Variants in CACNG4 observed in about 807,000 individuals in gnomAD.
CACNG4 encodes the protein voltage-dependent calcium channel gamma-4 subunit.
A neutral mutation model predicts 22.9 loss-of-function variants in CACNG4; 8 were observed. The observed-to-expected ratio is 0.35, with a 90% CI of 0.21 to 0.63. The LOEUF is 0.63. CACNG4 is among the 30% of genes least tolerant of loss of function. CACNG4 has a pLI of 0.72. For synonymous variants in CACNG4, 188 were observed against 191.9 expected (o/e 0.98, Z 0.17); for missense variants, 357 against 455.4 (o/e 0.78, Z 1.97).
In CACNG4 at chr17:67,030,453, GCTTCCCTTT is replaced by G. The variant is rs753844541; in HGVS notation, c.446-11_446-3del. On this transcript the variant is annotated splice_polypyrimidine_tract_variant and splice_region_variant and intron_variant, in intron 3 of 3. Transcript: ENST00000262138. The surrounding 1 kb of genome is among the most constrained non-coding windows in gnomAD (Gnocchi z 6.4). ...TCCCTGGCCCCGCTCCCCGCTCCCC[GCTTCCCTTT>G]CAGGCCTCAGTAACATCATCGGTAT... 3 of 1,610,624 alleles carry G rather than the reference GCTTCCCTTT, an allele frequency of 1.9e-6. No homozygotes were observed. The Admixed American group carries it at 5.0e-5, about 27-fold the overall frequency.
chr17:67,019,086 C>G (rs192907023), intron 2 of CACNG4, among the ~76,000 whole-genome samples: 3 of 152,256 alleles, frequency 2.0e-5, no homozygotes, highest in Admixed American at 6.5e-5. Context: ...CCAAGACACA[C>G]AAAGAGCAGC....
At chr17:66,969,086 C>T (rs1463716381) in intron 1 of CACNG4, among the ~76,000 whole-genome samples, 1 of 152,202 alleles carries the variant, frequency 6.6e-6, no homozygotes, top group African/African-American at 2.4e-5. Flanking sequence ...TGTTCAATCT[C>T]ATGCATTCTG....
intron 1 of CACNG4, among the ~76,000 whole-genome samples, chr17:67,001,811 A>G (rs1164131945): frequency 3.9e-5 from 6 of 152,244 alleles, no homozygotes; most frequent in Non-Finnish European, 7.3e-5. Flanking sequence ...TGGTCCCAAC[A>G]TGGCAAAGCT....
In CACNG4 at chr17:67,024,263, T is replaced by C. The variant is rs116771274; in HGVS notation, c.305-597T>C. On this transcript the variant is annotated intron_variant, in intron 2 of 3. Coordinates refer to ENST00000262138, the MANE Select transcript of CACNG4 (RefSeq NM_014405.4). ...TGGCCAGGCCCAGTGCTATGCACCT[T>C]ACATGTACAAAACCAAGCACATGTG... is the stretch of plus-strand genomic sequence containing the variant. Among the ~76,000 whole-genome samples, 497 of 152,334 alleles carry C rather than the reference T, an allele frequency of 3.3e-3. 4 individuals are homozygous for C. The highest frequency in any genetic ancestry group is 0.011 in the African/African-American group (476 of 41,580).
chr17:66,976,383 C>T (rs891272027), intron 1 of CACNG4, among the ~76,000 whole-genome samples: 46 of 149,844 alleles, frequency 3.1e-4, no homozygotes, highest in African/African-American at 1.1e-3. Flanking sequence ...CCATCCTCCC[C>T]TCCCTCCAAC....
chr17:66,990,349 T>C (rs1262943838), intron 1 of CACNG4, among the ~76,000 whole-genome samples: 1 of 152,214 alleles, frequency 6.6e-6, no homozygotes, highest in African/African-American at 2.4e-5. Flanking sequence ...AACAGGAACA[T>C]CTCTGATTTC....
intron 1 of CACNG4, among the ~76,000 whole-genome samples, chr17:66,977,829 T>C (rs888457519): frequency 1.1e-4 from 17 of 152,146 alleles, no homozygotes; most frequent in African/African-American, 4.1e-4. Context: ...AGGCCGGGCA[T>C]TGTGGGCACA....
intron 1 of CACNG4, among the ~76,000 whole-genome samples, chr17:66,994,802 C>T (rs1051524554): frequency 6.6e-6 from 1 of 152,134 alleles, no homozygotes; most frequent in Non-Finnish European, 1.5e-5. Context: ...AGCGCCTCCT[C>T]CATACGTTCT....
intron 1 of CACNG4, among the ~76,000 whole-genome samples, chr17:66,971,184 C>CACGCTG (rs2035202139): frequency 6.6e-6 from 1 of 152,168 alleles, no homozygotes; most frequent in Non-Finnish European, 1.5e-5. Flanking sequence ...CCATAGCTTC[C>CACGCTG]ACGCTGACGG....
At chr17:66,970,434 G>A (rs141989315) in intron 1 of CACNG4, among the ~76,000 whole-genome samples, 154 of 152,252 alleles carry the variant, frequency 1.0e-3, no homozygotes, top group African/African-American at 3.7e-3. Context: ...TCAGTTCCTG[G>A]TGAGGTCCCT....
intron 1 of CACNG4, among the ~76,000 whole-genome samples, chr17:66,967,249 T>C (rs1340292659): frequency 1.3e-5 from 2 of 152,172 alleles, no homozygotes; most frequent in Non-Finnish European, 2.9e-5. Context: ...CTGGCTCCAC[T>C]AGCAGAGGGA....
Position 67,012,666 on chromosome 17 carries a change from A to G in CACNG4, c.221-5523A>G, listed in dbSNP as rs573260270. Among the ~76,000 whole-genome samples, 94 of 152,260 alleles carry G rather than the reference A, an allele frequency of 6.2e-4. 1 individual carries two copies. Among genetic ancestry groups the G allele is most frequent in the Non-Finnish European group, 1.1e-3 (78 of 68,016 alleles). Reference sequence around the variant, plus strand: ...GTTAATCCCTCAAACTTCCAGTTGCACGTGCGCGAGTGCAGAGTCGTTCCC... The same window carrying G: ...GTTAATCCCTCAAACTTCCAGTTGCGCGTGCGCGAGTGCAGAGTCGTTCCC... On this transcript the variant is annotated intron_variant, in intron 1 of 3. Coordinates refer to ENST00000262138, the MANE Select transcript of CACNG4 (RefSeq NM_014405.4).
intron 1 of CACNG4, among the ~76,000 whole-genome samples, chr17:67,013,417 A>G (rs2143345865): frequency 6.6e-6 from 1 of 152,344 alleles, no homozygotes; most frequent in African/African-American, 2.4e-5. Flanking sequence ...AAGAAGAAAA[A>G]TGTAACTTGC....
intron 1 of CACNG4, among the ~76,000 whole-genome samples, chr17:66,993,286 G>T (rs1465338009): frequency 3.3e-5 from 5 of 152,222 alleles, no homozygotes; most frequent in Non-Finnish European, 7.3e-5. Flanking sequence ...TTAAGGCTCA[G>T]TTGGAGACGA....
chr17:66,987,708 C>T (rs2035312778), intron 1 of CACNG4, among the ~76,000 whole-genome samples: 1 of 152,200 alleles, frequency 6.6e-6, no homozygotes, highest in African/African-American at 2.4e-5. Context: ...TGCAGAAACA[C>T]TGTCCAAGGA....
chr17:66,981,822 CAT>C (rs1188557585), intron 1 of CACNG4, among the ~76,000 whole-genome samples: 1 of 152,200 alleles, frequency 6.6e-6, no homozygotes, highest in African/African-American at 2.4e-5. Flanking sequence ...AAGAACTTTC[CAT>C]ATGTTATCTC....
chr17:66,965,276 G>A (rs978379137), intron 1 of CACNG4, 145 bp downstream of exon 1: 6 of 570,256 alleles, frequency 1.1e-5, no homozygotes, highest in Admixed American at 7.1e-5. Context: ...GCGCGGCGCT[G>A]GCTCCGCGCG....
intron 1 of CACNG4, among the ~76,000 whole-genome samples, chr17:66,994,629 A>G (rs555140314): frequency 8.1e-4 from 123 of 152,286 alleles, no homozygotes; most frequent in African/African-American, 2.8e-3. Flanking sequence ...AACCAGATAC[A>G]ATGATGTTCA....
intron 1 of CACNG4, among the ~76,000 whole-genome samples, chr17:66,976,613 C>T (rs1400284271): frequency 6.6e-6 from 1 of 151,878 alleles, no homozygotes; most frequent in African/African-American, 2.4e-5. Context: ...ATCGTCCCTC[C>T]TCCCTGCCTT....
Sources: allele counts gnomAD v4.1 joint callset (sites outside exome capture counted in the v4.1 genomes callset), GRCh38; gene constraint gnomAD v4.1.1; non-coding constraint Gnocchi (gnomAD v3.1); transcripts MANE v1.5; gene names NCBI Gene and HGNC (gene_info 2026-07-23, HGNC 2026-07-21).